NSDHL: variants seen among roughly 807,000 people sequenced by gnomAD.
The protein encoded by NSDHL is NAD(P) dependent 3-beta-hydroxysteroid dehydrogenase NSDHL, also known as sterol-4-alpha-carboxylate 3-dehydrogenase, decarboxylating.
Under a neutral mutation model 23.0 loss-of-function variants are expected in NSDHL, and 1 was observed. That is an observed-to-expected ratio of 0.04 (90% CI 0.02 to 0.21). The LOEUF is 0.21. Among genes scored for constraint, NSDHL ranks in the 10% least tolerant of loss-of-function variants. NSDHL has a pLI of 1.00. For missense variants in NSDHL, 237 were observed against 300.9 expected (o/e 0.79, Z 1.57); for synonymous variants, 128 against 121.1 (o/e 1.06, Z -0.37).
At chrX:152,847,538 C>A (rs1440260663) in intron 2 of NSDHL, among the ~76,000 whole-genome samples, 1 of 111,287 alleles carries the variant, frequency 9.0e-6, no homozygotes, top group South Asian at 3.8e-4. Flanking sequence ...TACTTGGCAG[C>A]CAGCAAACAA....
chrX:152,837,782 C>G (rs1389004297), intron 1 of NSDHL, among the ~76,000 whole-genome samples: 2 of 111,770 alleles, frequency 1.8e-5, no homozygotes, highest in African/African-American at 6.5e-5. Flanking sequence ...CTCTGCCAGG[C>G]TTTGGTATCA....
At chrX:152,855,395 G>T (rs1422519033) in intron 3 of NSDHL, among the ~76,000 whole-genome samples, 1 of 111,930 alleles carries the variant, frequency 8.9e-6, no homozygotes. Context: ...TTTGTAGGTT[G>T]TCTGGCTTTC....
rs781826193 is a variant in NSDHL, at chrX:152,842,977, C to T, written c.-43-3305C>T. 2.0e-3 allele frequency among the ~76,000 whole-genome samples: 219 copies of T among 111,864 alleles called. 1 individual carries two copies. The highest frequency in any genetic ancestry group is 6.5e-3 in the African/African-American group (200 of 30,747). On this transcript the variant is annotated intron_variant, in intron 1 of 7. Coordinates refer to ENST00000370274, the MANE Select transcript of NSDHL (RefSeq NM_015922.3). ...TTGCCTATGGGATCTGACTCATTTG[C>T]GCGGCTAGCTCTGGGTACTCCAACC...
At chrX:152,840,536 T>C (rs1194256450) in intron 1 of NSDHL, among the ~76,000 whole-genome samples, 19 of 112,487 alleles carry the variant, frequency 1.7e-4, no homozygotes, top group Admixed American at 1.7e-3. Context: ...TTCTGTTTGT[T>C]AGTTTTCCTT....
Position 152,862,532 on chromosome X carries a change from G to T in NSDHL, c.415-64G>T, listed in dbSNP as rs999240176. 20 of 1,047,919 alleles carry T rather than the reference G, an allele frequency of 1.9e-5. No homozygotes were observed. The Admixed American group carries it at 4.4e-4, about 23-fold the overall frequency. 86.4% of individuals were successfully genotyped at this position (1,047,919 alleles called of 1,213,427 possible). On this transcript the variant is annotated intron_variant, in intron 4 of 7. Coordinates refer to ENST00000370274, the MANE Select transcript of NSDHL (RefSeq NM_015922.3). ...ATGCCCCTGATTCTCTTTCATACAG[G>T]ATCATGCACTGTTTGAATTGTGATA...
At chrX:152,861,571 G>T (rs1451169778) in intron 4 of NSDHL, among the ~76,000 whole-genome samples, 1 of 112,954 alleles carries the variant, frequency 8.9e-6, no homozygotes, top group African/African-American at 3.2e-5. Flanking sequence ...TGTTGTAATT[G>T]TGTTGAACTT....
At position 152,862,492 on chromosome X, in the gene NSDHL, G is replaced by A. The variant is rs143528694; in HGVS notation, c.415-104G>A. 9.0e-4 allele frequency: 693 copies of A among 772,970 alleles called. 4 individuals are homozygous for A. In the African/African-American group the frequency reaches 0.012, roughly 13 times the overall value. 63.7% of individuals were successfully genotyped at this position (772,970 alleles called of 1,213,427 possible). On this transcript the variant is annotated intron_variant, in intron 4 of 7. Transcript: ENST00000370274. ...ATAATTTCTTCAGTGCCTCGAATGC[G>A]AGGGCAACAAAGGGATGCCCCTGAT...
chrX:152,837,072 A>T (rs1933109444), intron 1 of NSDHL, among the ~76,000 whole-genome samples: 1 of 111,795 alleles, frequency 8.9e-6, no homozygotes, highest in South Asian at 3.8e-4. Context: ...GCAATTGTGA[A>T]TGGGAGTTCA....
chrX:152,835,584 A>T (rs1379212571), intron 1 of NSDHL, among the ~76,000 whole-genome samples: 1 of 109,026 alleles, frequency 9.2e-6, no homozygotes, highest in African/African-American at 3.4e-5. Flanking sequence ...TTTGCTGAGA[A>T]TGATAGTTTC....
intron 5 of NSDHL, among the ~76,000 whole-genome samples, chrX:152,865,419 C>T (rs1602941869): frequency 8.9e-6 from 1 of 112,811 alleles, no homozygotes; most frequent in African/African-American, 3.2e-5. Flanking sequence ...ACATGCAGTT[C>T]AAGTCACTGG....
In NSDHL at chrX:152,846,266, T is replaced by C; in HGVS notation, c.-43-16T>C. The C allele has an allele frequency of 1.1e-6, 1 of 885,436 alleles. No homozygotes were observed. The highest frequency in any genetic ancestry group is 1.7e-6 in the Non-Finnish European group (1 of 596,965). The allele number at this position is 885,436 out of a possible 1,213,427, so 73.0% of individuals were successfully genotyped here. A position where few individuals can be genotyped will look rare whatever the true frequency, so the allele number is the denominator to read the frequency against. On this transcript the variant is annotated splice_polypyrimidine_tract_variant and intron_variant, in intron 1 of 7. Coordinates refer to ENST00000370274, the MANE Select transcript of NSDHL (RefSeq NM_015922.3). ...CTTAGGCAACATTAATGTCTGTCTC[T>C]AACTATGTCTTTAAGAAAAGAAAAG...
intron 4 of NSDHL, among the ~76,000 whole-genome samples, chrX:152,860,793 C>T (rs1395248351): frequency 9.8e-5 from 11 of 112,074 alleles, no homozygotes; most frequent in African/African-American, 3.6e-4. Context: ...TAAGAAACAA[C>T]ATTACTGGCA....
At chrX:152,854,485 C>T (rs1933408679) in intron 3 of NSDHL, among the ~76,000 whole-genome samples, 1 of 109,975 alleles carries the variant, frequency 9.1e-6, no homozygotes, top group South Asian at 4.0e-4. Flanking sequence ...TCTAAGCTCA[C>T]TGCAGCCTCC....
Position 152,869,142 on chromosome X carries a change from G to A in NSDHL, c.*26G>A, listed in dbSNP as rs782354458. 23 of 1,119,634 alleles carry A rather than the reference G, an allele frequency of 2.1e-5. No individual in the cohort carries two copies. Among genetic ancestry groups the A allele is most frequent in the South Asian group, 1.8e-4 (10 of 54,310 alleles). 92.3% of individuals were successfully genotyped at this position (1,119,634 alleles called of 1,213,427 possible). A position where few individuals can be genotyped will look rare whatever the true frequency, so the allele number is the denominator to read the frequency against. On this transcript the variant is annotated 3_prime_UTR_variant, in exon 8 of 8. Coordinates refer to ENST00000370274, the MANE Select transcript of NSDHL (RefSeq NM_015922.3). ...GGGACACTGGAGGCTGGGCTCTCTC[G>A]ACACGTTGCTCAGCCAGTCACTCCT...
At chrX:152,863,419 G>A (rs782036295) in intron 5 of NSDHL, among the ~76,000 whole-genome samples, 1 of 111,730 alleles carries the variant, frequency 9.0e-6, no homozygotes, top group Admixed American at 9.5e-5. Context: ...GAGCTTCCTC[G>A]CCTGCTATGG....
At chrX:152,866,277 T>A (rs998401450) in intron 6 of NSDHL, among the ~76,000 whole-genome samples, 23 of 112,022 alleles carry the variant, frequency 2.1e-4, no homozygotes, top group Non-Finnish European at 3.6e-4. Flanking sequence ...ATGAGGACAC[T>A]AATCCCATTC....
chrX:152,869,277 G>A lies in NSDHL; in HGVS notation c.*161G>A. 1 of 501,955 alleles carries A rather than the reference G, an allele frequency of 2.0e-6. No individual in the cohort carries two copies. Among genetic ancestry groups the A allele is most frequent in the Non-Finnish European group, 3.5e-6 (1 of 283,632 alleles). 41.4% of individuals were successfully genotyped at this position (501,955 alleles called of 1,213,427 possible). A position where few individuals can be genotyped will look rare whatever the true frequency, so the allele number is the denominator to read the frequency against. ...TACTCTTTCCGTGACGATGAGGGCG[G>A]CAAAAACAGACATTTCTTCCTTCAT... On this transcript the variant is annotated 3_prime_UTR_variant, in exon 8 of 8. Transcript: ENST00000370274.
intron 3 of NSDHL, among the ~76,000 whole-genome samples, chrX:152,851,272 T>C (rs1933352435): frequency 8.9e-6 from 1 of 112,287 alleles, no homozygotes; most frequent in Middle Eastern, 4.2e-3. Flanking sequence ...GCTTCACTGA[T>C]GTTCAGAGTC....
At chrX:152,846,232 A>G (rs1420755067) in intron 1 of NSDHL, 50 bp from the exon 2 acceptor site, 2 of 662,195 alleles carry the variant, frequency 3.0e-6, no homozygotes, top group African/African-American at 4.3e-5. Context: ...ACAACTAAAG[A>G]TGTTTTGACT....
Sources: allele counts gnomAD v4.1 joint callset (sites outside exome capture counted in the v4.1 genomes callset), GRCh38; gene constraint gnomAD v4.1.1; transcripts MANE v1.5; gene names NCBI Gene and HGNC (gene_info 2026-07-23, HGNC 2026-07-21).